LYAR: variants seen among roughly 807,000 people sequenced by gnomAD.
LYAR encodes cell growth-regulating nucleolar protein.
LYAR carries 37 observed loss-of-function variants against 45.2 expected under a neutral mutation model. The observed-to-expected ratio is 0.82, with a 90% CI of 0.63 to 1.08. The LOEUF is 1.08. LYAR is among the 50% of genes least tolerant of loss of function. LYAR has a pLI of 0.00. For synonymous variants in LYAR, 176 were observed against 155.1 expected, an observed-to-expected ratio of 1.14 and a Z score of -1.00; for missense variants, 493 against 451.0, an observed-to-expected ratio of 1.09 and a Z score of -0.84.
chr4:4,275,381 T>G (rs775651530), intron 6 of LYAR, among the ~76,000 whole-genome samples: 32 of 152,036 alleles, frequency 2.1e-4, no homozygotes, highest in Non-Finnish European at 4.0e-4. Flanking sequence ...ACTGTTATTA[T>G]CATCATTATT....
At chr4:4,284,961 C>T (rs1380194599) in intron 2 of LYAR, among the ~76,000 whole-genome samples, 1 of 152,150 alleles carries the variant, frequency 6.6e-6, no homozygotes. Context: ...ACCGTTGCTC[C>T]TCCACCAGCA....
In LYAR at chr4:4,279,706, A is replaced by G. The variant is rs762552722; in HGVS notation, c.281T>C (p.Val94Ala). ...LIKRPNVSPKVRELLEQISAF... is the reference protein window; with the variant it reads ...LIKRPNVSPKARELLEQISAF... ...ACTAATTTGCTCTAAAAGTTCTCTC[A>G]CTTTGGGGCTGACATTGGGTCTCTT... The change falls in exon 5 of 10, where the codon GTG becomes GCG. Residue 94 changes from valine (V) to alanine (A), a missense_variant. Coordinates refer to ENST00000343470, the MANE Select transcript of LYAR (RefSeq NM_017816.3). 1 of 1,613,866 alleles carries G rather than the reference A, an allele frequency of 6.2e-7. No homozygotes were observed.
rs777295855 is a variant in LYAR, at chr4:4,273,644, C to T, written c.858G>A (p.Lys286=). The T allele has an allele frequency of 6.2e-7, 1 of 1,612,412 alleles. No individual in the cohort carries two copies. The highest frequency in any genetic ancestry group is 1.1e-5 in the South Asian group (1 of 90,908). The change falls in exon 8 of 10, where the codon AAG becomes AAA. Residue 286 remains lysine (K), a synonymous_variant. Transcript: ENST00000343470. ...CCTCAGGATGCTCTGGGAGCTTCAT[C>T]TTTTTCTTCTTAGAATCTGTTTCAA... ...SEVETDSKKK[K]MKLPEHPEGG...
At chr4:4,270,457 A>G (rs1266636981) in intron 8 of LYAR, among the ~76,000 whole-genome samples, 1 of 151,222 alleles carries the variant, frequency 6.6e-6, no homozygotes, top group African/African-American at 2.4e-5. Context: ...AAAAAGACTG[A>G]AAAAAAATTC....
At chr4:4,273,118 T>G (rs1240332565) in intron 8 of LYAR, among the ~76,000 whole-genome samples, 1 of 151,598 alleles carries the variant, frequency 6.6e-6, no homozygotes. Flanking sequence ...GGCAAGAGAG[T>G]TGGGGAGGAG....
At chr4:4,286,916 G>C (rs1719642281) in intron 1 of LYAR, among the ~76,000 whole-genome samples, 1 of 152,108 alleles carries the variant, frequency 6.6e-6, no homozygotes, top group South Asian at 2.1e-4. Context: ...CTCCCAAAGT[G>C]CTGGGATTAC....
At chr4:4,283,362 G>A (rs1012400325) in intron 3 of LYAR, among the ~76,000 whole-genome samples, 2 of 152,268 alleles carry the variant, frequency 1.3e-5, no homozygotes, top group South Asian at 4.1e-4. Flanking sequence ...TGTTGGCCAG[G>A]CTGGTCTTCA....
chr4:4,284,793 T>G (rs934825399), intron 2 of LYAR, among the ~76,000 whole-genome samples: 2 of 152,194 alleles, frequency 1.3e-5, no homozygotes, highest in African/African-American at 4.8e-5. Flanking sequence ...GCAAAAATAC[T>G]GAGAACTGTT....
Position 4,273,600 on chromosome 4 carries a change from T to G in LYAR, c.902A>C (p.Asp301Ala), listed in dbSNP as rs1719032589. The change falls in exon 8 of 10, where the codon GAT becomes GCT. Residue 301 changes from aspartate to alanine, a missense_variant. Asp to Ala is a moderately radical substitution (Grantham distance 126). Coordinates refer to ENST00000343470, the MANE Select transcript of LYAR (RefSeq NM_017816.3). ...EHPEGGEPED[D>A]EAPAKGKFNW... ...TGATATACCTTTTGCAGGAGCCTCA[T>G]CGTCTTCTGGTTCTCCGCCCTCAGG... The G allele has an allele frequency of 6.2e-7, 1 of 1,613,444 alleles. No homozygotes were observed. The highest frequency in any genetic ancestry group is 2.2e-5 in the East Asian group (1 of 44,874).
intron 6 of LYAR, 102 bp downstream of exon 6, chr4:4,279,345 T>C: frequency 1.2e-6 from 1 of 811,090 alleles, no homozygotes; most frequent in Middle Eastern, 3.7e-4. Context: ...AAAATAAAAA[T>C]AAAAAAGAAG....
intron 2 of LYAR, among the ~76,000 whole-genome samples, chr4:4,285,182 C>T (rs190307588): frequency 2.0e-5 from 3 of 152,308 alleles, no homozygotes; most frequent in East Asian, 1.9e-4. Flanking sequence ...CCCCTGATTC[C>T]GCGGTCCCAG....
At chr4:4,288,413 G>C (rs1009098399) in intron 1 of LYAR, among the ~76,000 whole-genome samples, 1 of 151,194 alleles carries the variant, frequency 6.6e-6, no homozygotes, top group Non-Finnish European at 1.5e-5. Flanking sequence ...CTTAGGTTTG[G>C]TTCTGAGATT....
chr4:4,271,918 T>C (rs182950528), intron 8 of LYAR, among the ~76,000 whole-genome samples: 1 of 152,142 alleles, frequency 6.6e-6, no homozygotes, highest in African/African-American at 2.4e-5. Flanking sequence ...ATAAGATGAA[T>C]ATTGGTCAGT....
chr4:4,281,708 C>T (rs2108848252), intron 4 of LYAR, 75 bp downstream of exon 4: 2 of 1,067,330 alleles, frequency 1.9e-6, no homozygotes, highest in Non-Finnish European at 2.9e-6. Flanking sequence ...GACACATTTA[C>T]TCTTAGTCTC....
At chr4:4,273,800 C>T (rs557464602) in intron 7 of LYAR, 131 bp from the exon 8 acceptor site, 83 of 597,346 alleles carry the variant, frequency 1.4e-4, no homozygotes, top group Admixed American at 1.4e-3. Context: ...TGCCCAGCCC[C>T]GGTTTATAAA....
intron 6 of LYAR, among the ~76,000 whole-genome samples, chr4:4,277,812 C>T (rs1577214805): frequency 6.6e-6 from 1 of 152,174 alleles, no homozygotes; most frequent in African/African-American, 2.4e-5. Context: ...GAAAAGCATC[C>T]GACCTGACAT....
chr4:4,268,457 A>C, intron 9 of LYAR, 73 bp downstream of exon 9: 2 of 1,057,224 alleles, frequency 1.9e-6, no homozygotes. Flanking sequence ...AAAAAGAAAA[A>C]AACAAACAAT....
At chr4:4,274,192 G>A (rs536409653) in intron 7 of LYAR, among the ~76,000 whole-genome samples, 175 bp downstream of exon 7, 58 of 151,898 alleles carry the variant, frequency 3.8e-4, no homozygotes, top group South Asian at 6.2e-4. Context: ...AGCTGAGATC[G>A]TGCCACTGCA....
At chr4:4,274,263 C>A in intron 7 of LYAR, 104 bp downstream of exon 7, 4 of 1,256,666 alleles carry the variant, frequency 3.2e-6, no homozygotes, top group Non-Finnish European at 4.4e-6. Context: ...AAAAAAACCA[C>A]ACACACACGC....
Sources: gnomAD v4.1 joint callset for allele counts (sites outside exome capture counted in the v4.1 genomes callset) on GRCh38, gnomAD v4.1.1 for gene constraint, MANE v1.5 for transcripts, NCBI Gene and HGNC (gene_info 2026-07-23, HGNC 2026-07-21) for gene names.